GALNT13: variants seen among roughly 807,000 people sequenced by gnomAD.
GALNT13 encodes polypeptide N-acetylgalactosaminyltransferase 13.
Under a neutral mutation model 64.2 loss-of-function variants are expected in GALNT13, and 28 were observed. The observed-to-expected ratio is 0.44, with a 90% confidence interval of 0.32 to 0.60. The LOEUF is 0.60. GALNT13 is among the 20% of genes least tolerant of loss of function. The pLI is 0.05. For missense variants in GALNT13, 577 were observed against 669.8 expected, an observed-to-expected ratio of 0.86 and a Z score of 1.53; for synonymous variants, 214 against 224.6, an observed-to-expected ratio of 0.95 and a Z score of 0.42.
intron 3 of GALNT13, among the ~76,000 whole-genome samples, chr2:154,093,899 A>G (rs986861781): frequency 4.0e-5 from 6 of 151,392 alleles, no homozygotes; most frequent in African/African-American, 1.5e-4. Flanking sequence ...TGCTTGTTAA[A>G]CTCGATAAAA....
the GALNT13 span, among the ~76,000 whole-genome samples, chr2:153,180,980 T>A: frequency 0.67 from 94,775 of 141,440 alleles, 32,082 homozygotes; most frequent in East Asian, 0.84. Context: ...TTGATCTTTT[T>A]TATTATTTTC....
At chr2:153,578,688 T>G in the GALNT13 span, among the ~76,000 whole-genome samples, 1 of 152,190 alleles carries the variant, frequency 6.6e-6, no homozygotes, top group Non-Finnish European at 1.5e-5. Context: ...GTGAGAACCA[T>G]TTTGCCTGTA....
At chr2:153,351,832 A>G in the GALNT13 span, among the ~76,000 whole-genome samples, 2 of 152,102 alleles carry the variant, frequency 1.3e-5, no homozygotes, top group African/African-American at 4.8e-5. Context: ...CATTATCTGG[A>G]TGTACCACAG....
At chr2:153,589,135 CA>C in the GALNT13 span, among the ~76,000 whole-genome samples, 69,745 of 148,538 alleles carry the variant, frequency 0.47, 18,052 homozygotes, top group African/African-American at 0.72. Context: ...AACTTTGTCT[CA>C]AAAAAAAAAG....
chr2:154,034,881 A>T (rs1409352048), intron 3 of GALNT13, among the ~76,000 whole-genome samples: 1 of 152,156 alleles, frequency 6.6e-6, no homozygotes, highest in Non-Finnish European at 1.5e-5. Context: ...ACACCAGTCA[A>T]AATGGCTATT....
chr2:153,326,323 G>A, the GALNT13 span, among the ~76,000 whole-genome samples: 23 of 96,368 alleles, frequency 2.4e-4, no homozygotes, highest in Middle Eastern at 5.7e-3. Context: ...TTTTTTTTTC[G>A]CTTTCCATTT....
the GALNT13 span, among the ~76,000 whole-genome samples, chr2:153,628,855 C>T: frequency 6.6e-6 from 1 of 152,042 alleles, no homozygotes; most frequent in Non-Finnish European, 1.5e-5. Context: ...ATGATGCTGG[C>T]CTCATAAAAT....
At chr2:154,174,246 T>C (rs1386945546) in intron 4 of GALNT13, among the ~76,000 whole-genome samples, 2 of 152,140 alleles carry the variant, frequency 1.3e-5, no homozygotes, top group African/African-American at 4.8e-5. Context: ...CAGAGTGTTT[T>C]CAAATGCTTA....
intron 3 of GALNT13, among the ~76,000 whole-genome samples, chr2:154,082,729 A>T (rs773250948): frequency 6.6e-6 from 1 of 151,730 alleles, no homozygotes; most frequent in Non-Finnish European, 1.5e-5. Context: ...TTTTCTGTTC[A>T]TATCCTTTGC....
chr2:153,542,975 T>C, the GALNT13 span, among the ~76,000 whole-genome samples: 1 of 152,352 alleles, frequency 6.6e-6, no homozygotes, highest in South Asian at 2.1e-4. Context: ...TTGTGTGCAA[T>C]GCATATTATA....
chr2:154,013,927 T>G (rs1696820074), intron 3 of GALNT13, among the ~76,000 whole-genome samples: 1 of 152,120 alleles, frequency 6.6e-6, no homozygotes, highest in Admixed American at 6.5e-5. Flanking sequence ...CTCTGATGGT[T>G]AGGCATGGAC....
At chr2:154,101,480 C>T (rs1574500331) in intron 3 of GALNT13, among the ~76,000 whole-genome samples, 2 of 151,840 alleles carry the variant, frequency 1.3e-5, no homozygotes, top group Admixed American at 6.6e-5. Flanking sequence ...TTTGTATTTC[C>T]GTGGTATCAA....
chr2:153,286,428 C>T, the GALNT13 span, among the ~76,000 whole-genome samples: 9 of 152,046 alleles, frequency 5.9e-5, no homozygotes, highest in Admixed American at 5.9e-4. Flanking sequence ...CTAAATATGC[C>T]ATAGTCTCTC....
chr2:153,363,280 C>G, the GALNT13 span, among the ~76,000 whole-genome samples: 1 of 151,948 alleles, frequency 6.6e-6, no homozygotes, highest in Non-Finnish European at 1.5e-5. Context: ...CATCAGAAAG[C>G]TAGAAATATC....
the GALNT13 span, among the ~76,000 whole-genome samples, chr2:153,390,289 C>T: frequency 4.6e-5 from 7 of 151,954 alleles, no homozygotes; most frequent in African/African-American, 1.5e-4. Context: ...GGGAGGGGAA[C>T]ATCACACACC....
chr2:153,526,598 C>T, the GALNT13 span, among the ~76,000 whole-genome samples: 1 of 152,166 alleles, frequency 6.6e-6, no homozygotes, highest in Non-Finnish European at 1.5e-5. Flanking sequence ...CAAGTCCAGA[C>T]TGTGAAGACT....
chr2:153,819,900 G>T, the GALNT13 span, among the ~76,000 whole-genome samples: 2 of 152,166 alleles, frequency 1.3e-5, no homozygotes, highest in Admixed American at 1.3e-4. Flanking sequence ...CTTCAGCAGT[G>T]GGTCCTAATC....
At chr2:153,935,361 GC>G in intron 2 of GALNT13, among the ~76,000 whole-genome samples, 1 of 152,240 alleles carries the variant, frequency 6.6e-6, no homozygotes, top group East Asian at 1.9e-4. Context: ...CAAACATATA[GC>G]CCAAAGGGAC....
At chr2:153,882,437 A>G (rs775444846) in intron 1 of GALNT13, among the ~76,000 whole-genome samples, 1 of 152,080 alleles carries the variant, frequency 6.6e-6, no homozygotes, top group Non-Finnish European at 1.5e-5. Context: ...CACTCTTAAC[A>G]TGTACTAACT....
Sources: allele counts gnomAD v4.1 joint callset (sites outside exome capture counted in the v4.1 genomes callset), GRCh38; gene constraint gnomAD v4.1.1; transcripts MANE v1.5; gene names NCBI Gene and HGNC (gene_info 2026-07-23, HGNC 2026-07-21).